IFNG-AS1: variants seen among roughly 807,000 people sequenced by gnomAD.
IFNG-AS1 encodes the protein IFNG regulatory antisense RNA 1, also known as IFNG antisense RNA 1 (non-protein coding).
chr12:68,009,437 GT>G (rs1252144105), intron 3 of IFNG-AS1, among the ~76,000 whole-genome samples: 13 of 152,274 alleles, frequency 8.5e-5, no homozygotes, highest in Admixed American at 3.3e-4. Context: ...CTGCATCCCA[GT>G]TCAAGCAATT....
intron 3 of IFNG-AS1, among the ~76,000 whole-genome samples, chr12:68,019,704 T>C (rs1365279375): frequency 6.6e-6 from 1 of 152,198 alleles, no homozygotes; most frequent in African/African-American, 2.4e-5. Context: ...AATTCTGAGA[T>C]GTCTAGAGTG....
intron 3 of IFNG-AS1, among the ~76,000 whole-genome samples, chr12:68,008,030 A>T (rs1284220918): frequency 6.6e-6 from 1 of 152,242 alleles, no homozygotes; most frequent in African/African-American, 2.4e-5. Flanking sequence ...TCCAACTAGA[A>T]TTTAGCTAGG....
At chr12:68,012,827 C>T (rs1880065117) in intron 3 of IFNG-AS1, among the ~76,000 whole-genome samples, 1 of 152,186 alleles carries the variant, frequency 6.6e-6, no homozygotes, top group Non-Finnish European at 1.5e-5. Flanking sequence ...GAGGCCTTTG[C>T]TATCAAGTGC....
At chr12:67,999,794 G>T (rs962025224) in intron 2 of IFNG-AS1, among the ~76,000 whole-genome samples, 2 of 152,242 alleles carry the variant, frequency 1.3e-5, no homozygotes, top group South Asian at 2.1e-4. Context: ...TAGTCCTAAA[G>T]TCTCTCTCTA....
At chr12:67,989,941 T>C (rs1472831015) in intron 1 of IFNG-AS1, among the ~76,000 whole-genome samples, 1 of 152,032 alleles carries the variant, frequency 6.6e-6, no homozygotes, top group South Asian at 2.1e-4. Flanking sequence ...GATTGAACTA[T>C]TCTAGGGAAT....
In IFNG-AS1 at chr12:67,995,419, CAA is replaced by C. The variant is rs34141511; in HGVS notation, n.52-503_52-502del. On this transcript the variant is annotated intron_variant and non_coding_transcript_variant, in intron 1 of 5. Coordinates refer to ENST00000536914, the Ensembl canonical transcript of IFNG-AS1. ...CTGGTGACAGAGTGAGACTCCATTTCAAAAAAAAAAAAAAAAAAAAGGGCCGC... is the reference window on the plus strand; with the variant it reads ...CTGGTGACAGAGTGAGACTCCATTTCAAAAAAAAAAAAAAAAAAGGGCCGC... 1.0e-3 allele frequency among the ~76,000 whole-genome samples: 82 copies of C among 78,622 alleles called. 1 individual carries two copies. Among genetic ancestry groups the C allele is most frequent in the African/African-American group, 3.2e-3 (57 of 18,064 alleles). 51.6% of individuals were successfully genotyped at this position (78,622 alleles called of 152,430 possible).
chr12:67,993,902 G>A (rs545278891), intron 1 of IFNG-AS1, among the ~76,000 whole-genome samples: 6 of 152,188 alleles, frequency 3.9e-5, no homozygotes, highest in East Asian at 3.9e-4. Flanking sequence ...TTAAACATAC[G>A]TTTAGTAAAT....
intron 4 of IFNG-AS1, chr12:68,020,122 G>C (rs1044220392): frequency 2.0e-5 from 3 of 152,224 alleles, no homozygotes; most frequent in African/African-American, 7.2e-5. Flanking sequence ...GGAAAAGGCT[G>C]TGAAGGGCCC....
At chr12:68,013,362 A>G (rs969920669) in intron 3 of IFNG-AS1, among the ~76,000 whole-genome samples, 1 of 152,224 alleles carries the variant, frequency 6.6e-6, no homozygotes, top group African/African-American at 2.4e-5. Flanking sequence ...GCAGTTACAC[A>G]AAGCCAAGCA....
chr12:67,991,693 A>G (rs939566909), intron 1 of IFNG-AS1, among the ~76,000 whole-genome samples: 3 of 152,206 alleles, frequency 2.0e-5, no homozygotes, highest in African/African-American at 7.2e-5. Flanking sequence ...CGCACCAGGG[A>G]GGTCTCAGTC....
chr12:67,990,567 T>C (rs1879484350), intron 1 of IFNG-AS1, among the ~76,000 whole-genome samples: 1 of 152,012 alleles, frequency 6.6e-6, no homozygotes, highest in Non-Finnish European at 1.5e-5. Flanking sequence ...AAGGAAACTT[T>C]ATACACCTAA....
chr12:68,006,123 A>C lies in IFNG-AS1; in HGVS notation n.218A>C, dbSNP rs1007376603. On this transcript the variant is annotated non_coding_transcript_exon_variant, in exon 3 of 6. Transcript: ENST00000536914. ...GCTGGAGGAGAAGTCAGTAGCAAGC[A>C]GCTAAGACAACATGGTACATGTGGT... The C allele has an allele frequency of 4.6e-5, 7 of 152,344 alleles. No individual in the cohort carries two copies. The South Asian group carries it at 1.5e-3, about 32-fold the overall frequency. The allele number at this position is 152,344 out of a possible 1,614,324, so 9.4% of individuals were successfully genotyped here.
chr12:67,992,701 T>C (rs1879544387), intron 1 of IFNG-AS1, among the ~76,000 whole-genome samples: 1 of 152,266 alleles, frequency 6.6e-6, no homozygotes, highest in African/African-American at 2.4e-5. Context: ...TAGTTCCTTT[T>C]AGGACTAATC....
At chr12:68,000,965 G>A (rs1240711537) in intron 2 of IFNG-AS1, among the ~76,000 whole-genome samples, 1 of 152,046 alleles carries the variant, frequency 6.6e-6, no homozygotes, top group Non-Finnish European at 1.5e-5. Context: ...TATTCAAAAA[G>A]CCTAGGTATA....
At position 68,012,796 on chromosome 12, in the gene IFNG-AS1, A is replaced by G. The variant is rs376598182; in HGVS notation, n.241+6650A>G. The stretch of plus-strand genomic sequence containing the variant: ...TTTAATTAAGGAAAGACGACTAGCG[A>G]TGCATAGAGTTCAGGATGAGGAGGC... On this transcript the variant is annotated intron_variant and non_coding_transcript_variant, in intron 3 of 5. Transcript: ENST00000536914. Among the ~76,000 whole-genome samples the G allele has an allele frequency of 1.5e-4, 23 of 152,338 alleles. No individual in the cohort carries two copies. In the South Asian group the frequency reaches 4.8e-3, roughly 32 times the overall value.
At chr12:67,990,543 C>T (rs1322940879) in intron 1 of IFNG-AS1, among the ~76,000 whole-genome samples, 1 of 151,846 alleles carries the variant, frequency 6.6e-6, no homozygotes, top group Non-Finnish European at 1.5e-5. Context: ...TAGAAGCTTT[C>T]TAATCCTTTT....
At chr12:68,011,256 C>T (rs1229378100) in intron 3 of IFNG-AS1, among the ~76,000 whole-genome samples, 1 of 152,218 alleles carries the variant, frequency 6.6e-6, no homozygotes, top group Non-Finnish European at 1.5e-5. Flanking sequence ...GCCCACTTTA[C>T]AAGTAATCGA....
intron 2 of IFNG-AS1, among the ~76,000 whole-genome samples, chr12:67,998,201 A>G (rs944099444): frequency 6.7e-6 from 1 of 149,550 alleles, no homozygotes; most frequent in African/African-American, 2.4e-5. Context: ...TAATTGTGAC[A>G]TTGTTGTTAT....
At chr12:67,995,986 C>T (rs912495992) in exon 2 of IFNG-AS1, 5 of 152,086 alleles carry the variant, frequency 3.3e-5, no homozygotes, top group African/African-American at 1.2e-4. Flanking sequence ...TGGTGGCAAT[C>T]TTAAGGATAC....
Sources: gnomAD v4.1 joint callset for allele counts (sites outside exome capture counted in the v4.1 genomes callset) on GRCh38, gnomAD v4.1.1 for gene constraint, MANE v1.5 for transcripts, NCBI Gene and HGNC (gene_info 2026-07-23, HGNC 2026-07-21) for gene names.